Variants in MYO3A observed in about 807,000 individuals in gnomAD.
MYO3A encodes the protein myosin IIIA, also known as myosin-IIIa.
A neutral mutation model predicts 192.7 loss-of-function variants in MYO3A; 180 were observed. That is an observed-to-expected ratio of 0.93 (90% CI 0.83 to 1.06). The LOEUF is 1.06. Ranked by LOEUF, MYO3A falls within the 50% of genes least tolerant of loss-of-function variation. The pLI, the probability that MYO3A is intolerant of heterozygous loss-of-function variation, is 0.00. For synonymous variants in MYO3A, 628 were observed against 645.3 expected (o/e 0.97, Z 0.41); for missense variants, 1,896 against 1,905.0 (o/e 1.00, Z 0.09).
chr10:25,952,320 T>A, intron 3 of MYO3A, 42 bp downstream of exon 3: 1 of 1,560,150 alleles, frequency 6.4e-7, no homozygotes, highest in Non-Finnish European at 8.8e-7. Context: ...TATTTTTATC[T>A]GTATGAAACA....
At chr10:25,985,246 A>G (rs1839578768) in intron 4 of MYO3A, among the ~76,000 whole-genome samples, 1 of 150,944 alleles carries the variant, frequency 6.6e-6, no homozygotes, top group African/African-American at 2.5e-5. Flanking sequence ...TCAAAAAAAA[A>G]AAAAAAAAAA....
intron 31 of MYO3A, among the ~76,000 whole-genome samples, chr10:26,192,052 G>A (rs926873658): frequency 3.9e-5 from 6 of 152,134 alleles, no homozygotes; most frequent in African/African-American, 7.2e-5. Flanking sequence ...ACATTCTTGC[G>A]CAAACAGAGT....
At position 26,203,074 on chromosome 10, in the gene MYO3A, A is replaced by C. The variant is rs1232999924; in HGVS notation, c.4697A>C (p.Glu1566Ala). 2 of 1,613,822 alleles carry C rather than the reference A, an allele frequency of 1.2e-6. No individual in the cohort carries two copies. Among genetic ancestry groups the C allele is most frequent in the Non-Finnish European group, 1.7e-6 (2 of 1,179,814 alleles). ...TTAAGAGAACGAAGACCACAGCAAGAACTCCAGAATCAATGTATTAAGGCT... is the reference window on the plus strand; with the variant it reads ...TTAAGAGAACGAAGACCACAGCAAGCACTCCAGAATCAATGTATTAAGGCT... ...PSLRERRPQQ[E>A]LQNQCIKANE... Residue 1566 changes from glutamate (E) to alanine (A), a missense_variant, in exon 34 of 35, where the codon GAA (glutamate) becomes GCA (alanine). Glu to Ala is a moderately radical substitution (Grantham distance 107, BLOSUM62 -1). Coordinates refer to ENST00000642920, the MANE Select transcript of MYO3A (RefSeq NM_017433.5).
chr10:26,012,917 A>G (rs1270109964), intron 6 of MYO3A, among the ~76,000 whole-genome samples: 2 of 152,206 alleles, frequency 1.3e-5, no homozygotes, highest in Non-Finnish European at 2.9e-5. Flanking sequence ...GTACAGGTAT[A>G]AAAGTAGGCA....
At chr10:25,938,649 T>G (rs1392359148) in intron 2 of MYO3A, among the ~76,000 whole-genome samples, 3 of 152,202 alleles carry the variant, frequency 2.0e-5, no homozygotes, top group African/African-American at 7.2e-5. Flanking sequence ...GATCTGTGAA[T>G]AGTATTCTAC....
At chr10:26,104,398 C>T (rs1210412252) in intron 17 of MYO3A, among the ~76,000 whole-genome samples, 1 of 152,080 alleles carries the variant, frequency 6.6e-6, no homozygotes, top group African/African-American at 2.4e-5. Flanking sequence ...CAGCTTCATT[C>T]CTTTGCTTCT....
intron 34 of MYO3A, among the ~76,000 whole-genome samples, chr10:26,206,995 T>G (rs1012205113): frequency 6.6e-6 from 1 of 152,202 alleles, no homozygotes; most frequent in African/African-American, 2.4e-5. Flanking sequence ...TTCTCAGTCT[T>G]CTTTTGAGAA....
chr10:26,041,289 T>G (rs1915478), intron 10 of MYO3A, among the ~76,000 whole-genome samples: 44,410 of 151,936 alleles, frequency 0.29, 7,015 homozygotes, highest in South Asian at 0.43. Flanking sequence ...TCTTTTTAGA[T>G]GAAGTGTGTT....
chr10:26,197,692 T>C (rs539843968), intron 32 of MYO3A, among the ~76,000 whole-genome samples: 1 of 152,304 alleles, frequency 6.6e-6, no homozygotes, highest in Admixed American at 6.5e-5. Context: ...GCCTCCCAAG[T>C]AGCTAGGATT....
rs189546582 is a variant in MYO3A, at chr10:25,993,233, C to A, written c.304-3257C>A. Among the ~76,000 whole-genome samples, 77 of 152,200 alleles carry A rather than the reference C, an allele frequency of 5.1e-4. No individual in the cohort carries two copies. In the Middle Eastern group the frequency reaches 0.027, roughly 54 times the overall value. On this transcript the variant is annotated intron_variant, in intron 4 of 34. Transcript: ENST00000642920. Reference sequence around the variant, plus strand: ...AGATTCAACTTCTTCCTGGTTTAGACTTGGGAGGGTGTATGTGTCCAGGAA... The same window carrying A: ...AGATTCAACTTCTTCCTGGTTTAGAATTGGGAGGGTGTATGTGTCCAGGAA...
chr10:26,128,848 A>C (rs1839376611), intron 20 of MYO3A, among the ~76,000 whole-genome samples: 2 of 152,210 alleles, frequency 1.3e-5, no homozygotes, highest in Admixed American at 6.5e-5. Context: ...AGATGCGTCC[A>C]ACAGTTTTTC....
chr10:26,143,241 G>T (rs191339314), intron 20 of MYO3A, among the ~76,000 whole-genome samples: 4 of 152,284 alleles, frequency 2.6e-5, no homozygotes, highest in Non-Finnish European at 4.4e-5. Flanking sequence ...TGAGGCAGGA[G>T]AATTGCTTGA....
chr10:25,958,634 A>G (rs1385099465), intron 4 of MYO3A, among the ~76,000 whole-genome samples: 1 of 152,118 alleles, frequency 6.6e-6, no homozygotes, highest in Non-Finnish European at 1.5e-5. Flanking sequence ...GAAGAATGTC[A>G]TTGGTAGTTT....
intron 31 of MYO3A, among the ~76,000 whole-genome samples, chr10:26,191,831 T>G (rs1462269761): frequency 6.6e-6 from 1 of 152,240 alleles, no homozygotes; most frequent in African/African-American, 2.4e-5. Flanking sequence ...TTCATTTATT[T>G]GATTAGTCTA....
At chr10:26,105,759 T>C (rs1196947369) in intron 17 of MYO3A, among the ~76,000 whole-genome samples, 1 of 152,042 alleles carries the variant, frequency 6.6e-6, no homozygotes, top group African/African-American at 2.4e-5. Flanking sequence ...TACTTTCAGT[T>C]AAAAAGTTTT....
At chr10:26,011,009 T>G (rs1841612762) in intron 6 of MYO3A, among the ~76,000 whole-genome samples, 1 of 150,452 alleles carries the variant, frequency 6.6e-6, no homozygotes, top group South Asian at 2.1e-4. Context: ...CTGTTTACTT[T>G]GTGGATTGTT....
At chr10:26,014,340 C>T (rs992810998) in intron 6 of MYO3A, among the ~76,000 whole-genome samples, 1 of 151,946 alleles carries the variant, frequency 6.6e-6, no homozygotes, top group African/African-American at 2.4e-5. Flanking sequence ...AGTCTTAGGC[C>T]TTTTAAAAAT....
At position 26,211,838 on chromosome 10, in the gene MYO3A, T is replaced by G; in HGVS notation, c.4731-5T>G. On this transcript the variant is annotated splice_region_variant and splice_polypyrimidine_tract_variant and intron_variant, in intron 34 of 34. Transcript: ENST00000642920. Reference sequence around the variant, plus strand: ...TGACACTTGGGCCCTGGGTTTCACTTGCAGGTGCTGGGCGGCGGAGAGCCC... The same window carrying G: ...TGACACTTGGGCCCTGGGTTTCACTGGCAGGTGCTGGGCGGCGGAGAGCCC... The G allele has an allele frequency of 6.2e-7, 1 of 1,614,018 alleles. No individual in the cohort carries two copies. The highest frequency in any genetic ancestry group is 8.5e-7 in the Non-Finnish European group (1 of 1,179,992).
intron 7 of MYO3A, among the ~76,000 whole-genome samples, chr10:26,017,231 T>G (rs1842032387): frequency 6.6e-6 from 1 of 152,204 alleles, no homozygotes. Context: ...ATAGTAGAAA[T>G]ATAATATTAT....
Sources: allele counts gnomAD v4.1 joint callset (sites outside exome capture counted in the v4.1 genomes callset), GRCh38; gene constraint gnomAD v4.1.1; transcripts MANE v1.5; gene names NCBI Gene and HGNC (gene_info 2026-07-23, HGNC 2026-07-21).